WDR41: variants seen among roughly 807,000 people sequenced by gnomAD.
WDR41 encodes WD repeat-containing protein 41.
WDR41 carries 63 observed loss-of-function variants against 69.3 expected under a neutral mutation model. The ratio of observed to expected loss-of-function variants is 0.91; its 90% CI spans 0.74 to 1.12. WDR41 has a LOEUF of 1.12. Ranked by LOEUF, WDR41 falls within the 50% of genes most tolerant of loss-of-function variation. The probability of loss-of-function intolerance (pLI) is 0.00; values close to 1 mark genes in which losing one functional copy is unlikely to be tolerated. For synonymous variants in WDR41, 185 were observed against 192.1 expected, an observed-to-expected ratio of 0.96 and a Z score of 0.31; for missense variants, 543 against 534.5, an observed-to-expected ratio of 1.02 and a Z score of -0.16.
At chr5:77,489,312 C>A (rs905225305) in intron 2 of WDR41, 145 bp downstream of exon 2, 1 of 456,830 alleles carries the variant, frequency 2.2e-6, no homozygotes, top group African/African-American at 2.0e-5. Context: ...GATGCAGAGG[C>A]CAATTTCAAT....
intron 1 of WDR41, among the ~76,000 whole-genome samples, chr5:77,613,327 G>A (rs553200752): frequency 1.6e-4 from 24 of 151,922 alleles, no homozygotes; most frequent in African/African-American, 3.4e-4. Flanking sequence ...AAAAGAGCCC[G>A]CATCGCCAAG....
intron 1 of WDR41, among the ~76,000 whole-genome samples, chr5:77,567,663 TAAAA>T (rs60723638): frequency 2.8e-5 from 3 of 106,386 alleles, no homozygotes; most frequent in Non-Finnish European, 6.1e-5. Context: ...AACCAAATAG[TAAAA>T]AAAAAAAAAA....
chr5:77,435,716 A>G (rs1317556232), intron 12 of WDR41, among the ~76,000 whole-genome samples: 1 of 152,218 alleles, frequency 6.6e-6, no homozygotes, highest in African/African-American at 2.4e-5. Flanking sequence ...TGCAGCAAAT[A>G]TTAATGTATC....
At chr5:77,555,086 CAAA>C (rs112922794) in intron 1 of WDR41, among the ~76,000 whole-genome samples, 3 of 111,456 alleles carry the variant, frequency 2.7e-5, no homozygotes. Flanking sequence ...GACCCTGTTT[CAAA>C]AAAAAAAAAA....
Position 77,453,919 on chromosome 5 carries a change from C to G in WDR41, c.421G>C (p.Val141Leu), listed in dbSNP as rs1799722712. ...AGCCAAACATCTAGTCTCTGAAGAA[C>G]AGTTAAACACTGCAAAATTTATTTG... ...CFQSTVKCLT[V>L]LQRLDVWLSG... The change falls in exon 6 of 13, where the codon GTT becomes CTT. Residue 141 changes from valine to leucine, a missense_variant. Val to Leu is a conservative substitution (Grantham distance 32). Transcript: ENST00000296679. 3.1e-6 allele frequency: 5 copies of G among 1,613,630 alleles called. No homozygotes were observed. The highest frequency in any genetic ancestry group is 4.2e-6 in the Non-Finnish European group (5 of 1,179,600).
chr5:77,544,164 C>A (rs1410892720), intron 1 of WDR41, among the ~76,000 whole-genome samples: 2 of 152,168 alleles, frequency 1.3e-5, no homozygotes, highest in East Asian at 3.9e-4. Flanking sequence ...AATCTTGAAA[C>A]AAATCCTGGA....
At chr5:77,474,739 T>A (rs1331782343) in intron 2 of WDR41, among the ~76,000 whole-genome samples, 1 of 152,166 alleles carries the variant, frequency 6.6e-6, no homozygotes, top group Non-Finnish European at 1.5e-5. Flanking sequence ...GGTAAAACAT[T>A]TGGTAAGTTC....
chr5:77,558,094 TAAA>T (rs71608105), intron 1 of WDR41, among the ~76,000 whole-genome samples: 1 of 104,306 alleles, frequency 9.6e-6, no homozygotes, highest in Admixed American at 1.0e-4. Flanking sequence ...ATGTTCTTTT[TAAA>T]AAAAAAAAAA....
chr5:77,432,440 A>C lies in WDR41; in HGVS notation c.*695T>G, dbSNP rs1182874272. The C allele has an allele frequency of 6.6e-6, 1 of 152,604 alleles. No homozygotes were observed. The highest frequency in any genetic ancestry group is 2.4e-5 in the African/African-American group (1 of 41,426). The allele number at this position is 152,604 out of a possible 1,614,324, so 9.5% of individuals were successfully genotyped here. ...TGACTCCGGAAACACTGTGCCTCTCAAATGATCTAGAGCTCATCCTTGGCG... is the reference window on the plus strand; with the variant it reads ...TGACTCCGGAAACACTGTGCCTCTCCAATGATCTAGAGCTCATCCTTGGCG... On this transcript the variant is annotated 3_prime_UTR_variant, in exon 13 of 13. Coordinates refer to ENST00000296679, the MANE Select transcript of WDR41 (RefSeq NM_018268.4).
At chr5:77,519,272 A>G (rs1238844531) in intron 1 of WDR41, among the ~76,000 whole-genome samples, 2 of 152,022 alleles carry the variant, frequency 1.3e-5, no homozygotes, top group Non-Finnish European at 2.9e-5. Flanking sequence ...AACCTCCTAT[A>G]AATTATTTTC....
intron 1 of WDR41, among the ~76,000 whole-genome samples, chr5:77,595,177 T>A (rs1424680092): frequency 6.6e-6 from 1 of 152,200 alleles, no homozygotes; most frequent in Admixed American, 6.5e-5. Flanking sequence ...TGCTATAAAG[T>A]CTTTAAAGGT....
intron 1 of WDR41, among the ~76,000 whole-genome samples, chr5:77,580,106 T>A (rs1033393120): frequency 6.6e-6 from 1 of 152,194 alleles, no homozygotes; most frequent in Non-Finnish European, 1.5e-5. Context: ...TAGACATTAT[T>A]GAAATTAAAC....
Position 77,600,652 on chromosome 5 carries a change from C to T in WDR41, c.42+19827G>A, listed in dbSNP as rs1434365093. ...ATCCCAGCACTTTGGGAGGCAGAGG[C>T]GGGTGGATCACGAGGTCAGGAGTTC... On this transcript the variant is annotated intron_variant, in intron 1 of 5. Coordinates refer to the WDR41 transcript ENST00000509971. Among the ~76,000 whole-genome samples the T allele has an allele frequency of 2.6e-5, 4 of 151,992 alleles. No homozygotes were observed. The East Asian group carries it at 5.8e-4, about 22-fold the overall frequency.
intron 6 of WDR41, chr5:77,452,680 C>G (rs575976383): frequency 6.6e-5 from 10 of 152,330 alleles, no homozygotes; most frequent in African/African-American, 2.2e-4. Context: ...AACCCATGGC[C>G]TTCTCAAGGC....
intron 1 of WDR41, among the ~76,000 whole-genome samples, chr5:77,614,460 G>A (rs1580054449): frequency 6.6e-6 from 1 of 150,958 alleles, no homozygotes; most frequent in African/African-American, 2.4e-5. Flanking sequence ...GGAGTACTAT[G>A]CAGCCATAAA....
At chr5:77,615,185 A>T (rs1441435574) in intron 1 of WDR41, among the ~76,000 whole-genome samples, 2 of 152,194 alleles carry the variant, frequency 1.3e-5, no homozygotes, top group Admixed American at 6.5e-5. Context: ...AAAGAAAAAA[A>T]GTCTTAAGAC....
At chr5:77,556,889 T>C (rs1487748719) in intron 1 of WDR41, among the ~76,000 whole-genome samples, 1 of 151,894 alleles carries the variant, frequency 6.6e-6, no homozygotes, top group Non-Finnish European at 1.5e-5. Context: ...ATAGGGCCAG[T>C]ATGAGGGATG....
chr5:77,599,197 CTTTTTTTT>C (rs34759217), intron 1 of WDR41, among the ~76,000 whole-genome samples: 1 of 76,184 alleles, frequency 1.3e-5, no homozygotes, highest in Non-Finnish European at 2.4e-5. Flanking sequence ...ATCGGAAGCT[CTTTTTTTT>C]TTTTTTTTTT....
chr5:77,486,325 G>A (rs1801521355), intron 2 of WDR41, among the ~76,000 whole-genome samples: 1 of 152,160 alleles, frequency 6.6e-6, no homozygotes, highest in African/African-American at 2.4e-5. Context: ...TGTGAATCAT[G>A]AAGTCATATC....
Sources: allele counts gnomAD v4.1 joint callset (sites outside exome capture counted in the v4.1 genomes callset), GRCh38; gene constraint gnomAD v4.1.1; transcripts MANE v1.5; gene names NCBI Gene and HGNC (gene_info 2026-07-23, HGNC 2026-07-21).